TNS2: variants seen among roughly 807,000 people sequenced by gnomAD.
The protein encoded by TNS2 is tensin-2.
In TNS2, 77 loss-of-function variants were observed where a neutral mutation model predicts 155.7. The ratio of observed to expected loss-of-function variants is 0.49; its 90% CI spans 0.41 to 0.60. TNS2 has a LOEUF of 0.60. Ranked by LOEUF, TNS2 falls within the 20% of genes least tolerant of loss-of-function variation. The probability of loss-of-function intolerance (pLI) is 0.00; values close to 1 mark genes in which losing one functional copy is unlikely to be tolerated. For missense variants in TNS2, 1,703 were observed against 1,868.8 expected (o/e 0.91, Z 1.64); for synonymous variants, 726 against 763.9 (o/e 0.95, Z 0.82).
Position 53,059,396 on chromosome 12 carries a change from G to T in TNS2, c.1755G>T (p.Arg585Ser). 6.8e-7 allele frequency: 1 copy of T among 1,469,690 alleles called. No individual in the cohort carries two copies. The highest frequency in any genetic ancestry group is 9.0e-7 in the Non-Finnish European group (1 of 1,111,836). 91.0% of individuals were successfully genotyped at this position (1,469,690 alleles called of 1,614,324 possible). ...ACCTCGGAGTGTATCCAGGCCATAG[G>T]CCTGGCCTCAGCCGCCACTGCTCCT... is the stretch of plus-strand genomic sequence containing the variant. Reference protein sequence around the residue: ...GPHLGVYPGHRPGLSRHCSCR... With the variant: ...GPHLGVYPGHSPGLSRHCSCR... Residue 585 changes from arginine (R) to serine (S), a missense_variant, in exon 18 of 29, where the codon AGG becomes AGT. Physicochemically the swap from Arg to Ser is moderately radical, Grantham distance 110. Transcript: ENST00000314250. The surrounding 1 kb of genome is among the most constrained non-coding windows in gnomAD (Gnocchi z 4.7).
At position 53,055,861 on chromosome 12, in the gene TNS2, C is replaced by A. The variant is rs1944134018; in HGVS notation, c.761+16C>A. The A allele has an allele frequency of 6.2e-7, 1 of 1,604,586 alleles. No individual in the cohort carries two copies. Among genetic ancestry groups the A allele is most frequent in the South Asian group, 1.1e-5 (1 of 90,052 alleles). ...TCTCTGCAGGGTGAGGCTCCCAGCG[C>A]CTGAGTAGCTGCTTCCCCAGTGGCC... On this transcript the variant is annotated intron_variant, in intron 10 of 28. Transcript: ENST00000314250.
At chr12:53,052,414 C>T in intron 2 of TNS2, 41 bp from the exon 3 acceptor site, 1 of 1,613,044 alleles carries the variant, frequency 6.2e-7, no homozygotes, top group Non-Finnish European at 8.5e-7. Flanking sequence ...CACTGTCCCA[C>T]AGGCCCCTGC....
In TNS2 at chr12:53,059,716, C is replaced by G; in HGVS notation, c.2075C>G (p.Ala692Gly). The stretch of plus-strand genomic sequence containing the variant: ...CTGCCTGCCCTATACCCATGCCCAG[C>G]CTGCGAGGAGAAGCTGGCGCTGCCT... ...PGLPALYPCP[A>G]CEEKLALPTA... Residue 692 changes from alanine (A) to glycine (G), a missense_variant, in exon 18 of 29, where the codon GCC becomes GGC. Physicochemically the swap from Ala to Gly is moderately conservative, Grantham distance 60 (BLOSUM62 0). Coordinates refer to ENST00000314250, the MANE Select transcript of TNS2 (RefSeq NM_170754.4). This position sits in a 1 kb window ranked among gnomAD's most constrained non-coding sequence, Gnocchi z 4.7. 1 of 1,613,080 alleles carries G rather than the reference C, an allele frequency of 6.2e-7. No individual in the cohort carries two copies. The highest frequency in any genetic ancestry group is 1.1e-5 in the South Asian group (1 of 91,080).
intron 8 of TNS2, 32 bp downstream of exon 8, chr12:53,055,268 A>T (rs1168121412): frequency 6.2e-7 from 1 of 1,609,884 alleles, no homozygotes; most frequent in Non-Finnish European, 8.5e-7. Context: ...CAACCATTAA[A>T]CCAAGCCACC....
In TNS2 at chr12:53,058,327, TCA is replaced by T; in HGVS notation, c.1110_1111del (p.His370GlnfsTer34). The T allele has an allele frequency of 6.2e-7, 1 of 1,614,098 alleles. No homozygotes were observed. On this transcript the variant is annotated frameshift_variant, in exon 15 of 29. Coordinates refer to ENST00000314250, the MANE Select transcript of TNS2 (RefSeq NM_170754.4). LOFTEE classifies it high-confidence loss of function. ...TGCCTTTCTCCCAGGTAACATGTTA[TCA>T]CAAGGGTGGCCGGGGCACAGACCGG... ...LKGDVMVTCY[H>X]KGGRGTDRTL...
chr12:53,053,393 T>C lies in TNS2; in HGVS notation c.223-18T>C. 1.2e-6 allele frequency: 2 copies of C among 1,613,952 alleles called. No individual in the cohort carries two copies. Among genetic ancestry groups the C allele is most frequent in the Non-Finnish European group, 1.7e-6 (2 of 1,179,900 alleles). ...GCCCTTCACCAGGAGCTCAGTTCCT[T>C]ACTCGGTCCCCTTCCAGGTGACTTC... On this transcript the variant is annotated intron_variant, in intron 3 of 28. Coordinates refer to ENST00000314250, the MANE Select transcript of TNS2 (RefSeq NM_170754.4).
At position 53,058,816 on chromosome 12, in the gene TNS2, A is replaced by G. The variant is rs537348994; in HGVS notation, c.1394A>G (p.Asp465Gly). ...SYENFNQHHE[D>G]SVDGSLTHTR... is the part of the protein sequence containing the mutation. ...GAGAACTTCAACCAGCACCACGAGG[A>G]CAGTGTGGATGGTGCGCAGGCAGCC... is the stretch of plus-strand genomic sequence containing the variant. Residue 465 changes from aspartate (D) to glycine (G), a missense_variant, in exon 17 of 29, where the codon GAC becomes GGC. Asp to Gly is a moderately conservative substitution (Grantham distance 94). Transcript: ENST00000314250. 5.0e-6 allele frequency: 8 copies of G among 1,613,566 alleles called. No homozygotes were observed. In the Admixed American group the frequency reaches 5.0e-5, roughly 10 times the overall value.
At chr12:53,053,548 A>G in intron 4 of TNS2, 99 bp downstream of exon 4, 1 of 1,503,180 alleles carries the variant, frequency 6.7e-7, no homozygotes. Flanking sequence ...GATGACCTTG[A>G]ACGGAGTGCT....
chr12:53,060,452 A>ACAC lies in TNS2; in HGVS notation c.2666_2668dup (p.Thr889_Leu890insPro), dbSNP rs1398438936. On this transcript the variant is annotated inframe_insertion, in exon 19 of 29. Coordinates refer to ENST00000314250, the MANE Select transcript of TNS2 (RefSeq NM_170754.4). The surrounding 1 kb of genome is among the most constrained non-coding windows in gnomAD (Gnocchi z 6.1). Reference sequence around the variant, plus strand: ...GAGGGAGGGCCCCAGTGGGCACAGCACACTGCCTCGGTCTCCCCGAGATGC... The same window carrying ACAC: ...GAGGGAGGGCCCCAGTGGGCACAGCACACCACTGCCTCGGTCTCCCCGAGATGC... 1 of 1,613,598 alleles carries ACAC rather than the reference A, an allele frequency of 6.2e-7. No individual in the cohort carries two copies. Among genetic ancestry groups the ACAC allele is most frequent in the East Asian group, 2.2e-5 (1 of 44,882 alleles).
upstream of TNS2, chr12:53,049,772 CG>C (rs1282688996): frequency 3.7e-6 from 1 of 272,420 alleles, no homozygotes; most frequent in Non-Finnish European, 7.1e-6. Flanking sequence ...AGCCCTGCCC[CG>C]AGACCAGAAT....
chr12:53,049,331 G>A (rs1943840273), upstream of TNS2: 5 of 1,167,934 alleles, frequency 4.3e-6, no homozygotes, highest in Non-Finnish European at 6.1e-6. Context: ...TGGAAAGAGG[G>A]CTAGGGATCT....
chr12:53,047,149 GGGA>G (rs200862018), upstream of TNS2: 1 of 147,952 alleles, frequency 6.8e-6, no homozygotes, highest in Admixed American at 6.7e-5. Flanking sequence ...GGAGCCGGGA[GGGA>G]GGAGGAGGAG....
In TNS2 at chr12:53,061,415, T is replaced by G; in HGVS notation, c.3394T>G (p.Phe1132Val). 1 of 1,613,970 alleles carries G rather than the reference T, an allele frequency of 6.2e-7. No individual in the cohort carries two copies. Among genetic ancestry groups the G allele is most frequent in the Non-Finnish European group, 8.5e-7 (1 of 1,179,996 alleles). ...ACAAGAGAGCCAAAGCAATGTCAAG[T>G]TTGTCCAGGATACATCCAAGTTCTG... ...PTQESQSNVK[F>V]VQDTSKFWYK... The change falls in exon 21 of 29, where the codon TTT (phenylalanine) becomes GTT (valine). Residue 1132 changes from phenylalanine (F) to valine (V), a missense_variant. Coordinates refer to ENST00000314250, the MANE Select transcript of TNS2 (RefSeq NM_170754.4).
chr12:53,055,747 C>T, intron 9 of TNS2, 34 bp from the exon 10 acceptor site: 1 of 1,614,208 alleles, frequency 6.2e-7, no homozygotes, highest in Non-Finnish European at 8.5e-7. Flanking sequence ...GCCTGGAGCT[C>T]CCAGACCCTC....
upstream of TNS2, chr12:53,049,841 A>C (rs571912035): frequency 1.4e-5 from 5 of 352,422 alleles, no homozygotes; most frequent in African/African-American, 4.3e-5. Context: ...ATCCCTGCAG[A>C]TCCCTGGAGA....
intron 4 of TNS2, 94 bp downstream of exon 4, chr12:53,053,543 C>A (rs1164241067): frequency 5.2e-6 from 8 of 1,524,254 alleles, no homozygotes; most frequent in Non-Finnish European, 7.2e-6. Context: ...CAGGAGATGA[C>A]CTTGAACGGA....
Position 53,058,312 on chromosome 12 carries a change from C to T in TNS2, c.1096-4C>T, listed in dbSNP as rs1209814939. 6.2e-7 allele frequency: 1 copy of T among 1,613,844 alleles called. No individual in the cohort carries two copies. Among genetic ancestry groups the T allele is most frequent in the South Asian group, 1.1e-5 (1 of 91,072 alleles). On this transcript the variant is annotated splice_polypyrimidine_tract_variant and splice_region_variant and intron_variant, in intron 14 of 28. Coordinates refer to ENST00000314250, the MANE Select transcript of TNS2 (RefSeq NM_170754.4). ...TGATCCGCAGCCTCCTGCCTTTCTC[C>T]CAGGTAACATGTTATCACAAGGGTG...
In TNS2 at chr12:53,059,195, G is replaced by A. The variant is rs757004733; in HGVS notation, c.1554G>A (p.Thr518=). ...GCAGCGACTCAGGCCATTCCTCCAC[G>A]CTGACCACAGAGCCGGCTGCTGAGT... ...SVSSDSGHSS[T]LTTEPAAESP... The change falls in exon 18 of 29, where the codon ACG becomes ACA. Residue 518 remains threonine (T), a synonymous_variant. Transcript: ENST00000314250. The surrounding 1 kb of genome is among the most constrained non-coding windows in gnomAD (Gnocchi z 4.7). The A allele has an allele frequency of 4.1e-5, 65 of 1,596,134 alleles. No individual in the cohort carries two copies. In the Admixed American group the frequency reaches 9.6e-4, roughly 24 times the overall value.
chr12:53,047,435 C>G (rs1253905671), upstream of TNS2, among the ~76,000 whole-genome samples: 1 of 144,502 alleles, frequency 6.9e-6, no homozygotes, highest in Admixed American at 6.8e-5. Flanking sequence ...GCGGGCAGTG[C>G]CAGGGGCGGG....
Sources: gnomAD v4.1 joint callset for allele counts (sites outside exome capture counted in the v4.1 genomes callset) on GRCh38, gnomAD v4.1.1 for gene constraint, Gnocchi (gnomAD v3.1) non-coding constraint, MANE v1.5 for transcripts, NCBI Gene and HGNC (gene_info 2026-07-23, HGNC 2026-07-21) for gene names.